The following ZNF483 variants were observed in gnomAD, a reference collection of about 807,000 sequenced individuals.
ZNF483 encodes the protein zinc finger protein HIT-10.
A neutral mutation model predicts 28.6 loss-of-function variants in ZNF483; 9 were observed. That is an observed-to-expected ratio of 0.32 (90% CI 0.19 to 0.55). The LOEUF (loss-of-function observed/expected upper bound fraction) is 0.55, where lower values mean the gene tolerates loss of function less well. ZNF483 is among the 20% of genes least tolerant of loss of function. The pLI is 0.93. For missense variants in ZNF483, 675 were observed against 871.7 expected (o/e 0.77, Z 2.84); for synonymous variants, 322 against 306.2 (o/e 1.05, Z -0.54).
In ZNF483 at chr9:111,550,084, C is replaced by T. The variant is rs886839866; in HGVS notation, c.*6914C>T. ...TTTTGTGTTGTGTGTTTTTTGTTTT[C>T]GTTTTTGTTTTACTGTCATAGGCTG... On this transcript the variant is annotated 3_prime_UTR_variant, in exon 6 of 6. Coordinates refer to ENST00000309235, the MANE Select transcript of ZNF483 (RefSeq NM_133464.5). 6.6e-6 allele frequency among the ~76,000 whole-genome samples: 1 copy of T among 151,800 alleles called. No individual in the cohort carries two copies. Among genetic ancestry groups the T allele is most frequent in the African/African-American group, 2.4e-5 (1 of 41,316 alleles).
At position 111,548,994 on chromosome 9, in the gene ZNF483, A is replaced by T. The variant is rs1827865092; in HGVS notation, c.*5824A>T. 6.6e-6 allele frequency among the ~76,000 whole-genome samples: 1 copy of T among 151,632 alleles called. No individual in the cohort carries two copies. The highest frequency in any genetic ancestry group is 1.5e-5 in the Non-Finnish European group (1 of 67,850). Reference sequence around the variant, plus strand: ...CTTTGGATTTCAGCAGCTTGATTATAACTTGTCTTGGTGTCTCTGTGGGGT... The same window carrying T: ...CTTTGGATTTCAGCAGCTTGATTATTACTTGTCTTGGTGTCTCTGTGGGGT... On this transcript the variant is annotated 3_prime_UTR_variant, in exon 6 of 6. Transcript: ENST00000309235.
intron 5 of ZNF483, chr9:111,569,973 T>C (rs1035341522): frequency 3.3e-6 from 5 of 1,496,096 alleles, no homozygotes; most frequent in African/African-American, 1.4e-5. Flanking sequence ...AATGACCCAA[T>C]AGGGAAAAAC....
chr9:111,531,533 T>G (rs1055761201), intron 3 of ZNF483, among the ~76,000 whole-genome samples: 1 of 152,028 alleles, frequency 6.6e-6, no homozygotes, highest in African/African-American at 2.4e-5. Context: ...CCTGCCACCA[T>G]GCCCGGCTAA....
At chr9:111,534,192 A>C in intron 4 of ZNF483, 69 bp from the exon 5 acceptor site, 1 of 1,269,456 alleles carries the variant, frequency 7.9e-7, no homozygotes. Flanking sequence ...ACCAGAGGCT[A>C]TATGTGAATG....
At chr9:111,560,149 C>T (rs1828231614), downstream of ZNF483, among the ~76,000 whole-genome samples, 1 of 151,706 alleles carries the variant, frequency 6.6e-6, no homozygotes, top group Admixed American at 6.6e-5. Context: ...AGGTCGAGAC[C>T]AGCCTGGCCA....
At chr9:111,529,310 A>T (rs7867682) in intron 2 of ZNF483, among the ~76,000 whole-genome samples, 110 of 152,336 alleles carry the variant, frequency 7.2e-4, no homozygotes, top group African/African-American at 2.5e-3. Flanking sequence ...TTGAAAAAAT[A>T]ATTTTTCTTA....
At chr9:111,556,943 G>C (rs920906742), downstream of ZNF483, among the ~76,000 whole-genome samples, 3 of 152,312 alleles carry the variant, frequency 2.0e-5, no homozygotes, top group South Asian at 6.2e-4. Context: ...ACAATGCATG[G>C]TTCCATGTCC....
intron 2 of ZNF483, 66 bp downstream of exon 2, chr9:111,527,873 A>G (rs753491648): frequency 1.2e-6 from 2 of 1,612,830 alleles, no homozygotes; most frequent in East Asian, 4.5e-5. Context: ...TAAATTCCTC[A>G]AAAGAAGGCA....
intron 2 of ZNF483, among the ~76,000 whole-genome samples, chr9:111,530,430 T>C (rs35498764): frequency 0.32 from 48,871 of 151,752 alleles, 8,944 homozygotes; most frequent in Non-Finnish European, 0.43. Context: ...TAGCAAATTA[T>C]TGGAACCCAG....
Position 111,542,067 on chromosome 9 carries a change from C to G in ZNF483, c.1132C>G (p.Gln378Glu). Residue 378 changes from glutamine to glutamate, a missense_variant, in exon 6 of 6, where the codon CAG becomes GAG. Around this residue, in one of 6 missense-constraint regions of ZNF483, gnomAD observed 525 missense variants for 581.8 expected, o/e 0.90. Transcript: ENST00000309235. The surrounding 1 kb of genome is among the most constrained non-coding windows in gnomAD (Gnocchi z 6.2). ...TCACTCTTCAGCTCTTACTGAACAT[C>G]AGAAACGTCAGAAGATTCATTTGGG... The part of the protein sequence containing the change: ...LSHSSALTEH[Q>E]KRQKIHLGDR... The G allele has an allele frequency of 8.7e-6, 14 of 1,614,050 alleles. No individual in the cohort carries two copies. Among genetic ancestry groups the G allele is most frequent in the Non-Finnish European group, 1.2e-5 (14 of 1,180,000 alleles).
At chr9:111,569,885 T>C (rs1458999054) in intron 5 of ZNF483, 1 of 750,300 alleles carries the variant, frequency 1.3e-6, no homozygotes, top group African/African-American at 1.8e-5. Context: ...GCATTTGCAG[T>C]GGAAATGAAC....
At chr9:111,538,763 C>T (rs991028332) in intron 5 of ZNF483, among the ~76,000 whole-genome samples, 5 of 151,852 alleles carry the variant, frequency 3.3e-5, no homozygotes, top group African/African-American at 4.8e-5. Flanking sequence ...TTACGACACA[C>T]CAGAGAAAAA....
At chr9:111,530,439 A>C (rs1196229059) in intron 2 of ZNF483, among the ~76,000 whole-genome samples, 1 of 152,068 alleles carries the variant, frequency 6.6e-6, no homozygotes, top group Admixed American at 6.6e-5. Context: ...ATTGGAACCC[A>C]GGGAGGGGCT....
At chr9:111,536,781 C>T (rs1827514445) in intron 5 of ZNF483, among the ~76,000 whole-genome samples, 1 of 151,644 alleles carries the variant, frequency 6.6e-6, no homozygotes, top group African/African-American at 2.4e-5. Context: ...TAATAGCCTA[C>T]TGTTGACCTG....
chr9:111,542,281 G>A lies in ZNF483; in HGVS notation c.1346G>A (p.Gly449Asp). ...TGTAGTAAGTGTGGAAAAGCCTTTG[G>A]CTATAGCGCCTCACTCACCAAACAT... is the stretch of plus-strand genomic sequence containing the variant. The part of the protein sequence containing the change: ...HKCSKCGKAF[G>D]YSASLTKHRR... Residue 449 changes from glycine (G) to aspartate (D), a missense_variant, in exon 6 of 6, where the codon GGC becomes GAC. Physicochemically the swap from Gly to Asp is moderately conservative, Grantham distance 94. Transcript: ENST00000309235. This position sits in a 1 kb window ranked among gnomAD's most constrained non-coding sequence, Gnocchi z 6.2. 6.2e-7 allele frequency: 1 copy of A among 1,614,174 alleles called. No homozygotes were observed.
chr9:111,561,146 AGG>A (rs1482847388), intron 5 of ZNF483, among the ~76,000 whole-genome samples: 8 of 44,364 alleles, frequency 1.8e-4, no homozygotes, highest in South Asian at 6.3e-4. Flanking sequence ...GAGGAGAGAG[AGG>A]GAGAGAGAGA....
rs1564602913 is a variant in ZNF483 at position 111,551,409 on chromosome 9, T to TG, written c.*8239_*8240insG. On this transcript the variant is annotated 3_prime_UTR_variant, in exon 6 of 6. Coordinates refer to ENST00000309235, the MANE Select transcript of ZNF483 (RefSeq NM_133464.5). ...CAAGTATCCAGTTTTTGTTTTTTTT[T>TG]TTTTTTTTTTTTTTTTGAGATGGAG... Among the ~76,000 whole-genome samples, 1 of 134,548 alleles carries TG rather than the reference T, an allele frequency of 7.4e-6. No homozygotes were observed. The highest frequency in any genetic ancestry group is 7.3e-5 in the Admixed American group (1 of 13,666). The allele number at this position is 134,548 out of a possible 152,430, so 88.3% of individuals were successfully genotyped here. A position where few individuals can be genotyped will look rare whatever the true frequency, so the allele number is the denominator to read the frequency against.
chr9:111,532,781 T>C (rs1212607011), intron 3 of ZNF483, among the ~76,000 whole-genome samples: 1 of 152,078 alleles, frequency 6.6e-6, no homozygotes, highest in Non-Finnish European at 1.5e-5. Flanking sequence ...CGTTGGTGCA[T>C]GCCTGTAATC....
chr9:111,535,451 G>T (rs546826201), intron 5 of ZNF483, among the ~76,000 whole-genome samples: 1 of 152,266 alleles, frequency 6.6e-6, no homozygotes, highest in South Asian at 2.1e-4. Flanking sequence ...GGGAAAAAAT[G>T]TACATATAAA....
Sources: allele counts gnomAD v4.1 joint callset (sites outside exome capture counted in the v4.1 genomes callset), GRCh38; gene constraint gnomAD v4.1.1; regional missense constraint gnomAD v4.1.1; non-coding constraint Gnocchi (gnomAD v3.1); transcripts MANE v1.5; gene names NCBI Gene and HGNC (gene_info 2026-07-23, HGNC 2026-07-21).